Variants in NKAIN3 observed in about 807,000 individuals in gnomAD.
NKAIN3 encodes the protein sodium/potassium-transporting ATPase subunit beta-1-interacting protein 3.
In NKAIN3, 25 loss-of-function variants were observed where a neutral mutation model predicts 30.2. That is an observed-to-expected ratio of 0.83 (90% confidence interval 0.60 to 1.16). The LOEUF (loss-of-function observed/expected upper bound fraction) is 1.16. NKAIN3 is among the 50% of genes most tolerant of loss of function. The probability of loss-of-function intolerance (pLI) is 0.00; values close to 1 mark genes in which losing one functional copy is unlikely to be tolerated. For missense variants in NKAIN3, 225 were observed against 254.1 expected (o/e 0.89, Z 0.78); for synonymous variants, 91 against 89.6 (o/e 1.02, Z -0.09).
chr8:62,276,029 C>T (rs1027119690), intron 1 of NKAIN3, among the ~76,000 whole-genome samples: 12 of 151,950 alleles, frequency 7.9e-5, no homozygotes, highest in East Asian at 3.9e-4. Flanking sequence ...GTTACTGTAT[C>T]GGTCTACTAT....
chr8:62,456,973 A>C (rs1304998845), intron 1 of NKAIN3, among the ~76,000 whole-genome samples: 1 of 152,248 alleles, frequency 6.6e-6, no homozygotes, highest in African/African-American at 2.4e-5. Flanking sequence ...TATCATGCTT[A>C]AAGTGTTTGC....
chr8:62,332,869 A>G (rs535503857), intron 1 of NKAIN3, among the ~76,000 whole-genome samples: 3 of 152,108 alleles, frequency 2.0e-5, no homozygotes, highest in Non-Finnish European at 4.4e-5. Flanking sequence ...TCTACAAAAA[A>G]TACAAAACTT....
rs907225639 is a variant in NKAIN3 at position 62,498,507 on chromosome 8, C to T, written c.55-81032C>T. Reference sequence around the variant, plus strand: ...TTCTCACACTCTACCACCAAATGCACGCATGTTTTCGGCCTCTGCTTGGAT... The same window carrying T: ...TTCTCACACTCTACCACCAAATGCATGCATGTTTTCGGCCTCTGCTTGGAT... On this transcript the variant is annotated intron_variant, in intron 1 of 6. Coordinates refer to ENST00000623646, the MANE Select transcript of NKAIN3 (RefSeq NM_001304533.3). Among the ~76,000 whole-genome samples the T allele has an allele frequency of 1.2e-4, 18 of 151,916 alleles. No individual in the cohort carries two copies. In the East Asian group the frequency reaches 2.9e-3, roughly 25 times the overall value.
intron 4 of NKAIN3, among the ~76,000 whole-genome samples, chr8:62,771,031 T>A (rs867615623): frequency 3.4e-4 from 52 of 151,700 alleles, no homozygotes; most frequent in Middle Eastern, 6.8e-3. Context: ...GAGAAAAAAT[T>A]AATAAATAGA....
At chr8:62,343,610 G>A (rs1299462846) in intron 1 of NKAIN3, among the ~76,000 whole-genome samples, 1 of 151,920 alleles carries the variant, frequency 6.6e-6, no homozygotes, top group African/African-American at 2.4e-5. Flanking sequence ...AGGAGTTTGA[G>A]ACCAGCCTGG....
intron 1 of NKAIN3, among the ~76,000 whole-genome samples, chr8:62,416,754 T>G (rs568284822): frequency 8.3e-4 from 127 of 152,178 alleles, no homozygotes; most frequent in African/African-American, 2.8e-3. Context: ...CAGCACTTTG[T>G]GAGACTGGGG....
At position 62,350,140 on chromosome 8, in the gene NKAIN3, G is replaced by A. The variant is rs530171155; in HGVS notation, c.54+101013G>A. Among the ~76,000 whole-genome samples, 7 of 152,248 alleles carry A rather than the reference G, an allele frequency of 4.6e-5. No individual in the cohort carries two copies. The South Asian group carries it at 1.5e-3, about 32-fold the overall frequency. On this transcript the variant is annotated intron_variant, in intron 1 of 6. Coordinates refer to ENST00000623646, the MANE Select transcript of NKAIN3 (RefSeq NM_001304533.3). ...TACAGGTTATATATGCAAAAGAGTT[G>A]GGACTCAAACAGATATTTTCACAAC... is the stretch of plus-strand genomic sequence containing the variant.
chr8:62,394,246 AT>A (rs200045906), intron 1 of NKAIN3, among the ~76,000 whole-genome samples: 12 of 151,064 alleles, frequency 7.9e-5, no homozygotes, highest in Middle Eastern at 3.4e-3. Context: ...TTCTCATTAC[AT>A]TTTTTTTTAA....
intron 1 of NKAIN3, among the ~76,000 whole-genome samples, chr8:62,401,748 A>G (rs915509824): frequency 2.0e-5 from 3 of 152,186 alleles, no homozygotes; most frequent in Admixed American, 1.3e-4. Flanking sequence ...TATCAGGCAG[A>G]GACTCTTGTT....
Position 62,971,850 on chromosome 8 carries a change from C to T in NKAIN3, c.*6443C>T, listed in dbSNP as rs1823842098. Among the ~76,000 whole-genome samples, 1 of 152,086 alleles carries T rather than the reference C, an allele frequency of 6.6e-6. No homozygotes were observed. The highest frequency in any genetic ancestry group is 2.1e-4 in the South Asian group (1 of 4,824). On this transcript the variant is annotated 3_prime_UTR_variant, in exon 7 of 7. Coordinates refer to ENST00000623646, the MANE Select transcript of NKAIN3 (RefSeq NM_001304533.3). ...CATCAAGTATGTGAAATGAGAATTT[C>T]TGCCTCATCTTGTTTCCTTATCTTG...
chr8:62,562,016 T>G (rs908447197), intron 1 of NKAIN3, among the ~76,000 whole-genome samples: 5 of 152,154 alleles, frequency 3.3e-5, no homozygotes, highest in African/African-American at 7.2e-5. Context: ...GTGGCTGAGA[T>G]GAAAGCTCAG....
At chr8:62,710,749 A>G (rs926320879) in intron 3 of NKAIN3, among the ~76,000 whole-genome samples, 9 of 152,226 alleles carry the variant, frequency 5.9e-5, no homozygotes, top group Middle Eastern at 6.8e-3. Context: ...GTATTGTTGT[A>G]TTCATCATGC....
At chr8:62,735,021 C>T (rs542733821) in intron 3 of NKAIN3, among the ~76,000 whole-genome samples, 2 of 152,322 alleles carry the variant, frequency 1.3e-5, no homozygotes, top group South Asian at 4.1e-4. Flanking sequence ...TTTTGCCTCA[C>T]AGCTCTTAAA....
Position 62,760,418 on chromosome 8 carries a change from C to T in NKAIN3, c.471+13289C>T, listed in dbSNP as rs538901160. On this transcript the variant is annotated intron_variant, in intron 4 of 6. Coordinates refer to ENST00000623646, the MANE Select transcript of NKAIN3 (RefSeq NM_001304533.3). ...TAGACTGGATTAAGAAAATGTGGCA[C>T]ATATACACCATGGAATACCATGCAG... is the stretch of plus-strand genomic sequence containing the variant. Among the ~76,000 whole-genome samples the T allele has an allele frequency of 3.8e-4, 58 of 152,248 alleles. 2 individuals carry two copies. Among genetic ancestry groups the T allele is most frequent in the Non-Finnish European group, 6.2e-4 (42 of 68,022 alleles).
Position 62,968,471 on chromosome 8 carries a change from T to C in NKAIN3, c.*3064T>C, listed in dbSNP as rs1823759821. ...ACCTCAGCTTCTCCATATGCAATTG[T>C]GTGTCTGGTCAGAGTAAGGGAAAAT... is the stretch of plus-strand genomic sequence containing the variant. On this transcript the variant is annotated 3_prime_UTR_variant, in exon 7 of 7. Coordinates refer to ENST00000623646, the MANE Select transcript of NKAIN3 (RefSeq NM_001304533.3). 6.6e-6 allele frequency among the ~76,000 whole-genome samples: 1 copy of C among 152,220 alleles called. No individual in the cohort carries two copies. Among genetic ancestry groups the C allele is most frequent in the Non-Finnish European group, 1.5e-5 (1 of 68,038 alleles).
At chr8:62,406,965 A>G (rs570998488) in intron 1 of NKAIN3, among the ~76,000 whole-genome samples, 6 of 152,328 alleles carry the variant, frequency 3.9e-5, no homozygotes, top group Admixed American at 1.3e-4. Flanking sequence ...TATCATTATC[A>G]AATTAGCCAC....
chr8:62,627,959 T>C (rs1405829475), intron 3 of NKAIN3, among the ~76,000 whole-genome samples: 1 of 152,096 alleles, frequency 6.6e-6, no homozygotes, highest in Non-Finnish European at 1.5e-5. Flanking sequence ...AATAAGATCC[T>C]TCATCCAACA....
chr8:62,920,047 T>C (rs954121512), intron 5 of NKAIN3, among the ~76,000 whole-genome samples: 4 of 152,188 alleles, frequency 2.6e-5, no homozygotes, highest in Non-Finnish European at 4.4e-5. Flanking sequence ...TACAACCTGA[T>C]GGAGTTAATA....
chr8:62,485,088 G>A (rs1228950339), intron 1 of NKAIN3, among the ~76,000 whole-genome samples: 1 of 152,164 alleles, frequency 6.6e-6, no homozygotes, highest in Non-Finnish European at 1.5e-5. Context: ...CCCCTCTCAG[G>A]GGCCAGAGAG....
Sources: allele counts gnomAD v4.1 joint callset (sites outside exome capture counted in the v4.1 genomes callset), GRCh38; gene constraint gnomAD v4.1.1; transcripts MANE v1.5; gene names NCBI Gene and HGNC (gene_info 2026-07-23, HGNC 2026-07-21).